EPHA4: variants seen among roughly 807,000 people sequenced by gnomAD.
EPHA4 encodes the protein EPH receptor A4.
Under a neutral mutation model 108.3 loss-of-function variants are expected in EPHA4, and 19 were observed. That is an observed-to-expected ratio of 0.18 (90% CI 0.12 to 0.26). EPHA4 has a LOEUF of 0.26. EPHA4 is among the 10% of genes least tolerant of loss of function. The pLI, the probability that EPHA4 is intolerant of heterozygous loss-of-function variation, is 1.00. For missense variants in EPHA4, 917 were observed against 1,254.0 expected, an observed-to-expected ratio of 0.73 and a Z score of 4.06; for synonymous variants, 449 against 455.5, an observed-to-expected ratio of 0.99 and a Z score of 0.18.
intron 3 of EPHA4, among the ~76,000 whole-genome samples, chr2:221,528,115 C>G (rs1186606299): frequency 6.7e-6 from 1 of 149,304 alleles, no homozygotes; most frequent in African/African-American, 2.5e-5. Flanking sequence ...CTGTCTCATT[C>G]TCTCTTGTGT....
intron 5 of EPHA4, among the ~76,000 whole-genome samples, chr2:221,462,155 C>A (rs1691165550): frequency 1.3e-5 from 2 of 151,870 alleles, no homozygotes; most frequent in African/African-American, 4.8e-5. Context: ...TCAGACATGA[C>A]ACATAGCAAT....
Position 221,563,549 on chromosome 2 carries a change from G to A in EPHA4, c.823+182C>T, listed in dbSNP as rs571945424. Among the ~76,000 whole-genome samples the A allele has an allele frequency of 3.3e-5, 5 of 152,298 alleles. No homozygotes were observed. The South Asian group carries it at 6.2e-4, about 19-fold the overall frequency. ...TGATTACAGCAGCATCATTTATTTT[G>A]TCAGTATTAGAAACGTCTTAGCTTT... On this transcript the variant is annotated intron_variant, in intron 3 of 17. Transcript: ENST00000281821.
chr2:221,472,025 T>C (rs1347158763), intron 5 of EPHA4, among the ~76,000 whole-genome samples: 2 of 152,108 alleles, frequency 1.3e-5, no homozygotes, highest in Non-Finnish European at 2.9e-5. Context: ...CCTATAGGAT[T>C]GGGATTAGAT....
At chr2:221,426,415 A>G (rs1397302362) in intron 16 of EPHA4, 49 bp downstream of exon 16, 3 of 1,550,220 alleles carry the variant, frequency 1.9e-6, no homozygotes, top group African/African-American at 2.8e-5. Flanking sequence ...AAAAGAAAAT[A>G]CTATTAAATC....
At chr2:221,446,082 C>A in intron 9 of EPHA4, 41 bp downstream of exon 9, 1 of 1,346,558 alleles carries the variant, frequency 7.4e-7, no homozygotes, top group Non-Finnish European at 1.0e-6. Flanking sequence ...AAACGTGTGA[C>A]ATGCTCTAAA....
chr2:221,492,633 C>G (rs573703494), intron 4 of EPHA4, among the ~76,000 whole-genome samples: 1 of 152,334 alleles, frequency 6.6e-6, no homozygotes, highest in Admixed American at 6.5e-5. Context: ...ATGTGGTATA[C>G]TCACTAGCTA....
chr2:221,557,178 A>G (rs1166391976), intron 3 of EPHA4, among the ~76,000 whole-genome samples: 2 of 152,216 alleles, frequency 1.3e-5, no homozygotes, highest in Non-Finnish European at 2.9e-5. Flanking sequence ...GGAGAACCAC[A>G]GTGACTTGGG....
At chr2:221,525,588 G>A (rs1307506446) in intron 3 of EPHA4, among the ~76,000 whole-genome samples, 1 of 152,318 alleles carries the variant, frequency 6.6e-6, no homozygotes, top group East Asian at 1.9e-4. Flanking sequence ...CCACTTGAGA[G>A]AGCAGGCGAG....
intron 5 of EPHA4, among the ~76,000 whole-genome samples, chr2:221,464,732 G>A (rs528226752): frequency 4.6e-5 from 7 of 152,042 alleles, no homozygotes; most frequent in South Asian, 2.1e-4. Context: ...AACCACCCTC[G>A]CTGGACTCAT....
At chr2:221,517,045 G>A (rs149200531) in intron 3 of EPHA4, among the ~76,000 whole-genome samples, 208 of 152,316 alleles carry the variant, frequency 1.4e-3, no homozygotes, top group Non-Finnish European at 2.2e-3. Flanking sequence ...GCTCCTACGT[G>A]TGCCTGACAT....
chr2:221,572,106 C>T (rs1305559483), intron 1 of EPHA4, 52 bp downstream of exon 1: 11 of 1,504,242 alleles, frequency 7.3e-6, no homozygotes, highest in Non-Finnish European at 1.0e-5. Context: ...GACCCCTCAC[C>T]CGCGATGGCC....
rs773039205 is a variant in EPHA4 at position 221,442,787 on chromosome 2, G to A, written c.2074+42C>T. ...AAGAAAATGTGTGTTTAATTTCCCA[G>A]TAACTTCTAGCTTGGCTTTGTAAAG... On this transcript the variant is annotated intron_variant, in intron 11 of 17. Coordinates refer to ENST00000281821, the MANE Select transcript of EPHA4 (RefSeq NM_004438.5). 12 of 1,599,186 alleles carry A rather than the reference G, an allele frequency of 7.5e-6. No homozygotes were observed. In the East Asian group the frequency reaches 1.8e-4, roughly 24 times the overall value.
At chr2:221,533,530 A>C (rs1256452356) in intron 3 of EPHA4, among the ~76,000 whole-genome samples, 1 of 152,034 alleles carries the variant, frequency 6.6e-6, no homozygotes, top group Non-Finnish European at 1.5e-5. Context: ...ATGTTGAAAC[A>C]TGGGTCTACA....
chr2:221,516,748 C>G (rs905404702), intron 3 of EPHA4, among the ~76,000 whole-genome samples: 1 of 151,874 alleles, frequency 6.6e-6, no homozygotes, highest in African/African-American at 2.4e-5. Flanking sequence ...TAGTCCAGCA[C>G]GTTTATCTTT....
intron 3 of EPHA4, among the ~76,000 whole-genome samples, chr2:221,512,596 T>A (rs1574624701): frequency 6.6e-6 from 1 of 152,180 alleles, no homozygotes; most frequent in East Asian, 1.9e-4. Flanking sequence ...TGATTACAGA[T>A]AACAGGTCAG....
chr2:221,466,883 C>T (rs1691328839), intron 5 of EPHA4, among the ~76,000 whole-genome samples: 2 of 150,710 alleles, frequency 1.3e-5, no homozygotes, highest in Non-Finnish European at 2.9e-5. Context: ...ATCTCTGCCC[C>T]TCCTTTCCAT....
chr2:221,448,779 T>G (rs1300432081), intron 8 of EPHA4, among the ~76,000 whole-genome samples: 4 of 152,180 alleles, frequency 2.6e-5, no homozygotes, highest in African/African-American at 9.7e-5. Context: ...ATTTCTTTCC[T>G]TTGAAGAAGG....
chr2:221,530,885 G>C (rs1312650999), intron 3 of EPHA4, among the ~76,000 whole-genome samples: 2 of 152,066 alleles, frequency 1.3e-5, no homozygotes, highest in Non-Finnish European at 2.9e-5. Flanking sequence ...GATTCTTGAA[G>C]CACCACCACC....
At chr2:221,426,370 T>A (rs1689910478) in intron 16 of EPHA4, 94 bp downstream of exon 16, 1 of 1,434,316 alleles carries the variant, frequency 7.0e-7, no homozygotes, top group Non-Finnish European at 9.3e-7. Flanking sequence ...AGATTTTTTT[T>A]AAATGAGTAG....
Sources: allele counts gnomAD v4.1 joint callset (sites outside exome capture counted in the v4.1 genomes callset), GRCh38; gene constraint gnomAD v4.1.1; transcripts MANE v1.5; gene names NCBI Gene and HGNC (gene_info 2026-07-23, HGNC 2026-07-21).